Variants in YIPF6 observed in about 807,000 individuals in gnomAD.
The protein encoded by YIPF6 is protein YIPF6.
YIPF6 carries 3 observed loss-of-function variants against 16.8 expected under a neutral mutation model. The observed-to-expected ratio is 0.18, with a 90% CI of 0.08 to 0.46. The LOEUF is 0.46. Ranked by LOEUF, YIPF6 falls within the 20% of genes least tolerant of loss-of-function variation. The probability of loss-of-function intolerance (pLI) is 0.98; values close to 1 mark genes in which losing one functional copy is unlikely to be tolerated. For missense variants in YIPF6, 145 were observed against 184.9 expected (o/e 0.78, Z 1.25); for synonymous variants, 67 against 61.9 (o/e 1.08, Z -0.38).
At chrX:68,529,597 T>A in intron 6 of YIPF6, among the ~76,000 whole-genome samples, 1 of 111,855 alleles carries the variant, frequency 8.9e-6, no homozygotes, top group East Asian at 2.9e-4. Context: ...TGGTTTTTCC[T>A]CATCTTCATG....
At chrX:68,507,664 A>G (rs1602452927) in intron 1 of YIPF6, among the ~76,000 whole-genome samples, 1 of 106,586 alleles carries the variant, frequency 9.4e-6, no homozygotes, top group East Asian at 2.9e-4. Flanking sequence ...ATGCTGTGGC[A>G]TGGTCTTGGC....
In YIPF6 at chrX:68,511,857, C is replaced by T; in HGVS notation, c.66C>T (p.Gly22=). 1.7e-6 allele frequency: 2 copies of T among 1,200,949 alleles called. No homozygotes were observed. The highest frequency in any genetic ancestry group is 2.2e-6 in the Non-Finnish European group (2 of 892,038). The change falls in exon 2 of 7, where the codon GGC becomes GGT. Residue 22 remains glycine (G), a synonymous_variant. Coordinates refer to ENST00000462683, the MANE Select transcript of YIPF6 (RefSeq NM_173834.4). ...GTASPRPLFA[G]LSDISISQDI... ...CCCCTGACTCTTCTCAGTTTGCAGG[C>T]CTTTCAGATATATCCATCTCACAAG...
In YIPF6 at chrX:68,532,176, A is replaced by T. The variant is rs1029933962; in HGVS notation, c.*177A>T. The stretch of plus-strand genomic sequence containing the variant: ...CTGTCACCCCTTATTTGAGGAACTG[A>T]TGTTTGAAAGGCTGTTCTTTTCTCT... On this transcript the variant is annotated 3_prime_UTR_variant, in exon 7 of 7. Coordinates refer to ENST00000462683, the MANE Select transcript of YIPF6 (RefSeq NM_173834.4). 55 of 397,911 alleles carry T rather than the reference A, an allele frequency of 1.4e-4. No homozygotes were observed. Among genetic ancestry groups the T allele is most frequent in the Non-Finnish European group, 2.2e-4 (50 of 231,256 alleles). The allele number at this position is 397,911 out of a possible 1,213,427, so 32.8% of individuals were successfully genotyped here. A position where few individuals can be genotyped will look rare whatever the true frequency, so the allele number is the denominator to read the frequency against.
intron 1 of YIPF6, among the ~76,000 whole-genome samples, chrX:68,510,161 T>C (rs2079074778): frequency 9.0e-6 from 1 of 111,693 alleles, no homozygotes; most frequent in Non-Finnish European, 1.9e-5. Flanking sequence ...GTATCTAGCC[T>C]TTTCTCATTA....
chrX:68,499,240 C>T (rs952792566), intron 1 of YIPF6, 117 bp downstream of exon 1: 47 of 950,898 alleles, frequency 4.9e-5, no homozygotes, highest in Non-Finnish European at 6.4e-5. Flanking sequence ...GCAGGCCCTT[C>T]TTGTACCCGA....
Position 68,532,241 on chromosome X carries a change from C to T in YIPF6, c.*242C>T. ...TTTAAAAATACATGTGCATACTACA[C>T]ACAGTATATAATGCCTCCTTAAGGC... On this transcript the variant is annotated 3_prime_UTR_variant, in exon 7 of 7. Transcript: ENST00000462683. 1 of 298,653 alleles carries T rather than the reference C, an allele frequency of 3.3e-6. No individual in the cohort carries two copies. The highest frequency in any genetic ancestry group is 5.9e-5 in the East Asian group (1 of 16,899). 24.6% of individuals were successfully genotyped at this position (298,653 alleles called of 1,213,427 possible). A position where few individuals can be genotyped will look rare whatever the true frequency, so the allele number is the denominator to read the frequency against.
intron 1 of YIPF6, among the ~76,000 whole-genome samples, chrX:68,500,337 C>T (rs867553193): frequency 9.2e-6 from 1 of 108,427 alleles, no homozygotes; most frequent in Non-Finnish European, 1.9e-5. Flanking sequence ...TTTTTTGAGA[C>T]GGAGTTTTGC....
rs111831850 is a variant in YIPF6 at position 68,513,443 on chromosome X, T to G, written c.265+38T>G. The G allele has an allele frequency of 6.2e-5, 64 of 1,028,202 alleles. No homozygotes were observed. In the African/African-American group the frequency reaches 1.2e-3, roughly 19 times the overall value. The allele number at this position is 1,028,202 out of a possible 1,213,427, so 84.7% of individuals were successfully genotyped here. The stretch of plus-strand genomic sequence containing the variant: ...GGTTTTTAAGGGTTTGCTTAATCTA[T>G]CTCACTGTACCTTATCGTAAGTACT... On this transcript the variant is annotated intron_variant, in intron 3 of 6. Coordinates refer to ENST00000462683, the MANE Select transcript of YIPF6 (RefSeq NM_173834.4).
intron 4 of YIPF6, among the ~76,000 whole-genome samples, chrX:68,520,747 C>G (rs1039667398): frequency 1.8e-4 from 20 of 111,992 alleles, no homozygotes; most frequent in Non-Finnish European, 1.1e-4. Flanking sequence ...GCTGAGATTA[C>G]AGGCTAAGCC....
At chrX:68,499,307 G>A in intron 1 of YIPF6, 184 bp downstream of exon 1, 1 of 533,675 alleles carries the variant, frequency 1.9e-6, no homozygotes, top group Non-Finnish European at 2.9e-6. Flanking sequence ...TTTGCCCCCT[G>A]CCCTCGTGGT....
chrX:68,512,038 A>C (rs2079082998), intron 2 of YIPF6, 61 bp downstream of exon 2: 7 of 1,049,502 alleles, frequency 6.7e-6, no homozygotes, highest in Non-Finnish European at 8.8e-6. Flanking sequence ...AACTAATAGT[A>C]CTTTGCAATA....
At chrX:68,513,432 T>C in intron 3 of YIPF6, 27 bp downstream of exon 3, 1 of 1,096,263 alleles carries the variant, frequency 9.1e-7, no homozygotes, top group African/African-American at 1.9e-5. Context: ...TTTAAGGGTT[T>C]GCTTAATCTA....
intron 3 of YIPF6, among the ~76,000 whole-genome samples, chrX:68,518,148 T>G (rs779794133): frequency 1.2e-4 from 13 of 108,089 alleles, no homozygotes; most frequent in Non-Finnish European, 2.1e-4. Flanking sequence ...AGCGGGTGCC[T>G]GTAATCCCAG....
intron 5 of YIPF6, among the ~76,000 whole-genome samples, chrX:68,521,798 T>C (rs1011777599): frequency 5.5e-5 from 6 of 109,560 alleles, no homozygotes; most frequent in Non-Finnish European, 1.1e-4. Flanking sequence ...CCCACTGTAT[T>C]GCCTAGGCTG....
Position 68,513,373 on chromosome X carries a change from A to C in YIPF6, c.233A>C (p.Tyr78Ser). 1 of 1,205,411 alleles carries C rather than the reference A, an allele frequency of 8.3e-7. No individual in the cohort carries two copies. Among genetic ancestry groups the C allele is most frequent in the Non-Finnish European group, 1.1e-6 (1 of 892,951 alleles). The change falls in exon 3 of 7, where the codon TAC becomes TCC. Residue 78 changes from tyrosine (Y) to serine (S), a missense_variant. Coordinates refer to ENST00000462683, the MANE Select transcript of YIPF6 (RefSeq NM_173834.4). ...GGGAAAAAATTCATGCATGTTTTGTACCCAAGGAAAAGTAATACTCTTTTG... is the reference window on the plus strand; with the variant it reads ...GGGAAAAAATTCATGCATGTTTTGTCCCCAAGGAAAAGTAATACTCTTTTG... ...AVGKKFMHVLYPRKSNTLLRD... is the reference protein window; with the variant it reads ...AVGKKFMHVLSPRKSNTLLRD...
At position 68,513,381 on chromosome X, in the gene YIPF6, A is replaced by G. The variant is rs771094341; in HGVS notation, c.241A>G (p.Lys81Glu). ...KKFMHVLYPRKSNTLLRDWDL... is the reference protein window; with the variant it reads ...KKFMHVLYPRESNTLLRDWDL... ...ATTCATGCATGTTTTGTACCCAAGG[A>G]AAAGTAATACTCTTTTGAGAGATTG... Residue 81 changes from lysine (K) to glutamate (E), a missense_variant, in exon 3 of 7, where the codon AAA (lysine) becomes GAA (glutamate). Physicochemically the swap from Lys to Glu is moderately conservative, Grantham distance 56 (BLOSUM62 1). Coordinates refer to ENST00000462683, the MANE Select transcript of YIPF6 (RefSeq NM_173834.4). 7 of 1,205,060 alleles carry G rather than the reference A, an allele frequency of 5.8e-6. No individual in the cohort carries two copies. In the East Asian group the frequency reaches 2.1e-4, roughly 36 times the overall value.
At chrX:68,525,278 A>C (rs752178939) in intron 6 of YIPF6, among the ~76,000 whole-genome samples, 1 of 112,109 alleles carries the variant, frequency 8.9e-6, no homozygotes, top group South Asian at 3.7e-4. Context: ...TGGCCGCATA[A>C]ATGTCTTCTC....
At chrX:68,530,408 G>A (rs766368077) in intron 6 of YIPF6, among the ~76,000 whole-genome samples, 19 of 111,139 alleles carry the variant, frequency 1.7e-4, no homozygotes, top group African/African-American at 6.2e-4. Flanking sequence ...GGGCTCCATG[G>A]GGGTGGGATC....
intron 6 of YIPF6, 96 bp from the exon 7 acceptor site, chrX:68,531,785 G>C: frequency 1.7e-6 from 1 of 579,066 alleles, no homozygotes. Flanking sequence ...CTGTGTTCTA[G>C]ATGATGCCAA....
Sources: allele counts gnomAD v4.1 joint callset (sites outside exome capture counted in the v4.1 genomes callset), GRCh38; gene constraint gnomAD v4.1.1; transcripts MANE v1.5; gene names NCBI Gene and HGNC (gene_info 2026-07-23, HGNC 2026-07-21).